SMIM14: variants seen among roughly 807,000 people sequenced by gnomAD.
The protein encoded by SMIM14 is small integral membrane protein 14, also known as chromosome 4 open reading frame 34.
Under a neutral mutation model 12.6 loss-of-function variants are expected in SMIM14, and 5 were observed. The ratio of observed to expected loss-of-function variants is 0.40; its 90% CI spans 0.21 to 0.83. The LOEUF (loss-of-function observed/expected upper bound fraction) is 0.83. Ranked by LOEUF, SMIM14 falls within the 40% of genes least tolerant of loss-of-function variation. SMIM14 has a pLI of 0.37. For synonymous variants in SMIM14, 30 were observed against 40.1 expected (o/e 0.75, Z 0.95); for missense variants, 86 against 119.1 (o/e 0.72, Z 1.29).
At chr4:39,597,084 CCTTTTTTTTT>C (rs1714399530) in intron 2 of SMIM14, among the ~76,000 whole-genome samples, 1 of 133,258 alleles carries the variant, frequency 7.5e-6, no homozygotes, top group Admixed American at 7.9e-5. Context: ...CCCAGGTTTC[CCTTTTTTTTT>C]TTTTTTTTTT....
chr4:39,628,221 T>A (rs1030967650), intron 1 of SMIM14, among the ~76,000 whole-genome samples: 2 of 149,094 alleles, frequency 1.3e-5, no homozygotes, highest in Non-Finnish European at 3.0e-5. Context: ...GCAGGAGAAC[T>A]GCTTGAACCT....
At chr4:39,600,136 C>G (rs947206906) in intron 2 of SMIM14, among the ~76,000 whole-genome samples, 3 of 152,052 alleles carry the variant, frequency 2.0e-5, no homozygotes, top group Non-Finnish European at 1.5e-5. Context: ...AGCATCTTAG[C>G]CCAGCTGGCA....
At chr4:39,577,664 G>C (rs974479244) in intron 2 of SMIM14, among the ~76,000 whole-genome samples, 1 of 152,118 alleles carries the variant, frequency 6.6e-6, no homozygotes, top group African/African-American at 2.4e-5. Flanking sequence ...GTGACCTCAA[G>C]TGATCCTCCC....
At position 39,556,568 on chromosome 4, in the gene SMIM14, G is replaced by A. The variant is rs780051052; in HGVS notation, c.127C>T (p.Pro43Ser). 39 of 1,589,120 alleles carry A rather than the reference G, an allele frequency of 2.5e-5. No individual in the cohort carries two copies. Among genetic ancestry groups the A allele is most frequent in the Non-Finnish European group, 3.1e-5 (36 of 1,172,914 alleles). ...ATGCCATTATCACCAGAGGGTCCCG[G>A]TACTAAAGACAAACAAAAAATGTAG... ...CTDTECLQELPGPSGDNGISV... is the reference protein window; with the variant it reads ...CTDTECLQELSGPSGDNGISV... The change falls in exon 4 of 5, where the codon CCG (proline) becomes TCG (serine). Residue 43 changes from proline to serine, a missense_variant and splice_region_variant. By Grantham distance (74) the Pro-to-Ser change is moderately conservative. Coordinates refer to ENST00000295958, the MANE Select transcript of SMIM14 (RefSeq NM_174921.3).
intron 2 of SMIM14, chr4:39,584,009 C>T (rs1713650457): frequency 6.6e-6 from 1 of 151,972 alleles, no homozygotes; most frequent in African/African-American, 2.4e-5. Context: ...CATAGCCAAA[C>T]TACAATAGGA....
intron 3 of SMIM14, among the ~76,000 whole-genome samples, chr4:39,557,282 G>A (rs1712067592): frequency 2.0e-5 from 3 of 151,986 alleles, no homozygotes; most frequent in Admixed American, 1.3e-4. Flanking sequence ...AAAGGGCTGG[G>A]ATTACAGGTG....
intron 2 of SMIM14, among the ~76,000 whole-genome samples, chr4:39,585,225 T>G (rs2381392): frequency 0.26 from 39,607 of 151,812 alleles, 5,842 homozygotes; most frequent in Middle Eastern, 0.35. Flanking sequence ...GGGACATGTT[T>G]ACATTTTGCT....
chr4:39,572,479 A>G lies in SMIM14; in HGVS notation c.76-16T>C. ...ACTGCCGTAACTACAATGAATAAGAAAGGGAAGTTAGTGATTAGACTTAAA... is the reference window on the plus strand; with the variant it reads ...ACTGCCGTAACTACAATGAATAAGAGAGGGAAGTTAGTGATTAGACTTAAA... On this transcript the variant is annotated splice_polypyrimidine_tract_variant and intron_variant, in intron 2 of 4. Coordinates refer to ENST00000295958, the MANE Select transcript of SMIM14 (RefSeq NM_174921.3). The G allele has an allele frequency of 2.5e-6, 4 of 1,601,578 alleles. No homozygotes were observed. Among genetic ancestry groups the G allele is most frequent in the Non-Finnish European group, 3.4e-6 (4 of 1,170,532 alleles).
intron 2 of SMIM14, among the ~76,000 whole-genome samples, chr4:39,574,067 G>A (rs182536238): frequency 2.4e-4 from 36 of 152,012 alleles, no homozygotes; most frequent in Admixed American, 3.3e-4. Flanking sequence ...ACAATGAGGG[G>A]CATATAACTT....
chr4:39,555,239 C>CT (rs1031656892), intron 4 of SMIM14, among the ~76,000 whole-genome samples: 181 of 145,050 alleles, frequency 1.2e-3, no homozygotes, highest in African/African-American at 3.5e-3. Flanking sequence ...AACAGAGGTT[C>CT]TTTTTTTTTT....
At chr4:39,593,793 C>G (rs1442663515) in intron 2 of SMIM14, 9 of 152,024 alleles carry the variant, frequency 5.9e-5, no homozygotes, top group Admixed American at 5.9e-4. Context: ...GAGTGAACTC[C>G]CATTCACAGT....
At chr4:39,597,497 A>G (rs6849137) in intron 2 of SMIM14, among the ~76,000 whole-genome samples, 128,039 of 144,472 alleles carry the variant, frequency 0.89, 57,456 homozygotes, top group Non-Finnish European at 0.96. Flanking sequence ...AGGCTGGAGC[A>G]CAGTGGCACC....
At chr4:39,573,075 G>A (rs888970085) in intron 2 of SMIM14, among the ~76,000 whole-genome samples, 5 of 149,928 alleles carry the variant, frequency 3.3e-5, no homozygotes, top group African/African-American at 1.2e-4. Context: ...CCATGTTTTG[G>A]TTTTTATTAT....
intron 3 of SMIM14, among the ~76,000 whole-genome samples, chr4:39,561,113 G>A (rs1048255067): frequency 2.0e-5 from 3 of 151,658 alleles, no homozygotes; most frequent in Non-Finnish European, 2.9e-5. Context: ...TTCAGAATTC[G>A]GATTTTTTCA....
chr4:39,619,775 A>T (rs1414114900), intron 1 of SMIM14, among the ~76,000 whole-genome samples: 1 of 138,368 alleles, frequency 7.2e-6, no homozygotes, highest in African/African-American at 2.7e-5. Flanking sequence ...TCAATAAATA[A>T]TTTATTATAT....
rs1711690399 is a variant in SMIM14 at position 39,551,287 on chromosome 4, A to AT, written c.*838dup. ...GAGGCACTCATTTTAAAAATAAATT[A>AT]TAGCTTAAATTATTACTATGTGGAT... On this transcript the variant is annotated 3_prime_UTR_variant, in exon 5 of 5. Coordinates refer to ENST00000295958, the MANE Select transcript of SMIM14 (RefSeq NM_174921.3). The AT allele has an allele frequency of 6.6e-6, 1 of 152,596 alleles. No homozygotes were observed. Among genetic ancestry groups the AT allele is most frequent in the African/African-American group, 2.4e-5 (1 of 41,454 alleles). The allele number at this position is 152,596 out of a possible 1,614,324, so 9.5% of individuals were successfully genotyped here.
At chr4:39,572,889 T>C (rs1396422531) in intron 2 of SMIM14, among the ~76,000 whole-genome samples, 4 of 151,974 alleles carry the variant, frequency 2.6e-5, no homozygotes, top group Non-Finnish European at 5.9e-5. Flanking sequence ...TAGGCTGGAG[T>C]GCAGGGGTGC....
intron 2 of SMIM14, among the ~76,000 whole-genome samples, chr4:39,576,957 C>T (rs895162330): frequency 2.6e-5 from 4 of 151,064 alleles, no homozygotes; most frequent in African/African-American, 2.4e-5. Context: ...GTGATCTGCC[C>T]GCCTCGGCCT....
chr4:39,622,188 A>G (rs1295294890), intron 1 of SMIM14, among the ~76,000 whole-genome samples: 3 of 151,164 alleles, frequency 2.0e-5, no homozygotes, highest in East Asian at 3.9e-4. Context: ...GGTTCACGCC[A>G]TTCTCCTGCC....
Sources: allele counts gnomAD v4.1 joint callset (sites outside exome capture counted in the v4.1 genomes callset), GRCh38; gene constraint gnomAD v4.1.1; transcripts MANE v1.5; gene names NCBI Gene and HGNC (gene_info 2026-07-23, HGNC 2026-07-21).